The following CPNE8 variants were observed in gnomAD, a reference collection of about 807,000 sequenced individuals.
CPNE8 encodes the protein copine 8.
In CPNE8, 45 loss-of-function variants were observed where a neutral mutation model predicts 81.5. The observed-to-expected ratio is 0.55, with a 90% CI of 0.44 to 0.71. The LOEUF (loss-of-function observed/expected upper bound fraction) is 0.71, where lower values mean the gene tolerates loss of function less well. CPNE8 is among the 30% of genes least tolerant of loss of function. The probability of loss-of-function intolerance (pLI) is 0.00; values close to 1 mark genes in which losing one functional copy is unlikely to be tolerated. For synonymous variants in CPNE8, 252 were observed against 226.3 expected (o/e 1.11, Z -1.02); for missense variants, 594 against 672.1 (o/e 0.88, Z 1.28).
chr12:38,743,703 A>G (rs969454508), intron 10 of CPNE8, among the ~76,000 whole-genome samples: 2 of 152,168 alleles, frequency 1.3e-5, no homozygotes, highest in African/African-American at 4.8e-5. Flanking sequence ...TAAATTTTAA[A>G]AGCAATGACA....
chr12:38,764,127 C>G (rs1393807608), intron 8 of CPNE8, among the ~76,000 whole-genome samples: 1 of 152,092 alleles, frequency 6.6e-6, no homozygotes, highest in East Asian at 1.9e-4. Context: ...TCAGAGCTGA[C>G]TCACCTGAAG....
At chr12:38,794,698 G>A (rs995394361) in intron 6 of CPNE8, among the ~76,000 whole-genome samples, 6 of 150,692 alleles carry the variant, frequency 4.0e-5, no homozygotes, top group Non-Finnish European at 7.4e-5. Flanking sequence ...TGGCAAAACT[G>A]AAACCCTTGT....
At chr12:38,766,875 T>C (rs1483370305) in intron 8 of CPNE8, among the ~76,000 whole-genome samples, 2 of 152,172 alleles carry the variant, frequency 1.3e-5, no homozygotes, top group Non-Finnish European at 2.9e-5. Context: ...ACTAATTTAA[T>C]CTGATCAACA....
At chr12:38,803,400 C>A (rs1168843027) in intron 6 of CPNE8, among the ~76,000 whole-genome samples, 1 of 149,412 alleles carries the variant, frequency 6.7e-6, no homozygotes, top group African/African-American at 2.4e-5. Context: ...CAACCAAAGA[C>A]AAAAACCACA....
At chr12:38,765,638 T>C (rs1941672299) in intron 8 of CPNE8, among the ~76,000 whole-genome samples, 1 of 152,186 alleles carries the variant, frequency 6.6e-6, no homozygotes, top group Non-Finnish European at 1.5e-5. Flanking sequence ...TAAAAGCATC[T>C]GTATACACTC....
At chr12:38,854,759 G>T (rs1479702609) in intron 3 of CPNE8, among the ~76,000 whole-genome samples, 2 of 151,904 alleles carry the variant, frequency 1.3e-5, no homozygotes, top group African/African-American at 2.4e-5. Context: ...AGTTTTAAAG[G>T]AATATACCTC....
chr12:38,794,580 G>A (rs1942409237), intron 6 of CPNE8, among the ~76,000 whole-genome samples: 1 of 151,308 alleles, frequency 6.6e-6, no homozygotes, highest in African/African-American at 2.4e-5. Context: ...TTAAGAAATG[G>A]AAATCAGATC....
chr12:38,833,479 CTTT>C (rs543470951), intron 5 of CPNE8, among the ~76,000 whole-genome samples: 3 of 130,708 alleles, frequency 2.3e-5, no homozygotes, highest in Non-Finnish European at 3.2e-5. Flanking sequence ...TGAAATTAAC[CTTT>C]TTTTTTTTTT....
intron 6 of CPNE8, among the ~76,000 whole-genome samples, chr12:38,789,567 T>C (rs1365992388): frequency 1.3e-5 from 2 of 151,238 alleles, no homozygotes; most frequent in Admixed American, 6.6e-5. Context: ...TAATATCCCA[T>C]TGGCAATCAA....
chr12:38,876,298 G>T lies in CPNE8; in HGVS notation c.99-1787C>A, dbSNP rs147231395. Reference sequence around the variant, plus strand: ...GCGATCTCTGTTCATTGCAACCTCCGCCTTCCAGGTTCAAGTGATTCTCCT... The same window carrying T: ...GCGATCTCTGTTCATTGCAACCTCCTCCTTCCAGGTTCAAGTGATTCTCCT... On this transcript the variant is annotated intron_variant, in intron 1 of 19. Coordinates refer to ENST00000331366, the MANE Select transcript of CPNE8 (RefSeq NM_153634.3). Among the ~76,000 whole-genome samples, 278 of 152,220 alleles carry T rather than the reference G, an allele frequency of 1.8e-3. 1 individual carries two copies. Among genetic ancestry groups the T allele is most frequent in the African/African-American group, 6.5e-3 (269 of 41,536 alleles).
intron 15 of CPNE8, among the ~76,000 whole-genome samples, chr12:38,687,623 C>A (rs900055877): frequency 1.3e-5 from 2 of 152,002 alleles, no homozygotes; most frequent in African/African-American, 4.8e-5. Context: ...CTCAGGTGAT[C>A]CACCCGCCTC....
At chr12:38,663,437 A>T (rs867193642) in intron 19 of CPNE8, among the ~76,000 whole-genome samples, 29 of 152,152 alleles carry the variant, frequency 1.9e-4, no homozygotes, top group African/African-American at 6.8e-4. Flanking sequence ...GAGAAATGCA[A>T]ATCAAAACCA....
intron 1 of CPNE8, among the ~76,000 whole-genome samples, chr12:38,888,347 G>A (rs1356267): frequency 0.87 from 132,862 of 152,256 alleles, 58,230 homozygotes; most frequent in Non-Finnish European, 0.92. Context: ...TAAGATGCAT[G>A]AAATAATACA....
intron 12 of CPNE8, among the ~76,000 whole-genome samples, chr12:38,724,118 G>A (rs921450804): frequency 6.6e-6 from 1 of 152,056 alleles, no homozygotes; most frequent in Non-Finnish European, 1.5e-5. Flanking sequence ...TTAGATAAAA[G>A]GAAAGATGAA....
chr12:38,802,655 A>C (rs1046443887), intron 6 of CPNE8, among the ~76,000 whole-genome samples: 21 of 151,720 alleles, frequency 1.4e-4, no homozygotes, highest in Non-Finnish European at 2.4e-4. Flanking sequence ...AAATAACTAA[A>C]ATCAGAGCAG....
At chr12:38,662,989 C>G (rs1293798867) in intron 19 of CPNE8, among the ~76,000 whole-genome samples, 1 of 151,916 alleles carries the variant, frequency 6.6e-6, no homozygotes, top group African/African-American at 2.4e-5. Flanking sequence ...AAAATCAACT[C>G]AAGATGGGTT....
chr12:38,692,156 A>G (rs1387702015), intron 15 of CPNE8, among the ~76,000 whole-genome samples: 3 of 151,920 alleles, frequency 2.0e-5, no homozygotes, highest in Non-Finnish European at 1.5e-5. Flanking sequence ...GCCAGGTGTT[A>G]TGCATGCCTG....
At chr12:38,698,577 C>T (rs959758926) in intron 14 of CPNE8, among the ~76,000 whole-genome samples, 1 of 152,102 alleles carries the variant, frequency 6.6e-6, no homozygotes, top group Non-Finnish European at 1.5e-5. Flanking sequence ...AGTTAATTTT[C>T]GTATGCGAGG....
In CPNE8 at chr12:38,723,764, T is replaced by G. The variant is rs1940626216; in HGVS notation, c.914+8A>C. 6.4e-7 allele frequency: 1 copy of G among 1,552,072 alleles called. No homozygotes were observed. The highest frequency in any genetic ancestry group is 1.1e-5 in the South Asian group (1 of 88,830). ...TAAGCAACGAAACAATTTGAGAGAA[T>G]TACTTACCCTCCCTTAATGTAGTCA... On this transcript the variant is annotated splice_region_variant and intron_variant, in intron 13 of 19. Coordinates refer to ENST00000331366, the MANE Select transcript of CPNE8 (RefSeq NM_153634.3).
Sources: gnomAD v4.1 joint callset for allele counts (sites outside exome capture counted in the v4.1 genomes callset) on GRCh38, gnomAD v4.1.1 for gene constraint, MANE v1.5 for transcripts, NCBI Gene and HGNC (gene_info 2026-07-23, HGNC 2026-07-21) for gene names.